The following SMARCC1 variants were observed in gnomAD, a reference collection of about 807,000 sequenced individuals.
The protein encoded by SMARCC1 is SWI/SNF complex subunit SMARCC1.
A neutral mutation model predicts 147.4 loss-of-function variants in SMARCC1; 43 were observed. The observed-to-expected ratio is 0.29, with a 90% CI of 0.23 to 0.38. The LOEUF is 0.38. SMARCC1 is among the 10% of genes least tolerant of loss of function. SMARCC1 has a pLI of 1.00. For synonymous variants in SMARCC1, 495 were observed against 484.4 expected (o/e 1.02, Z -0.29); for missense variants, 1,119 against 1,381.1 (o/e 0.81, Z 3.01).
In SMARCC1 at chr3:47,636,004, G is replaced by A; in HGVS notation, c.2491+18C>T. ...TACAGTTTTACATAATAATATCTAA[G>A]GAGTTTCCTCAAATTACCTGATTTG... On this transcript the variant is annotated intron_variant, in intron 23 of 27. Transcript: ENST00000254480. 8.6e-7 allele frequency: 1 copy of A among 1,157,306 alleles called. No individual in the cohort carries two copies. Among genetic ancestry groups the A allele is most frequent in the Non-Finnish European group, 1.3e-6 (1 of 776,666 alleles). 71.7% of individuals were successfully genotyped at this position (1,157,306 alleles called of 1,614,324 possible). A position where few individuals can be genotyped will look rare whatever the true frequency, so the allele number is the denominator to read the frequency against.
intron 19 of SMARCC1, 76 bp from the exon 20 acceptor site, chr3:47,662,668 GCTT>G (rs2033363073): frequency 1.6e-6 from 2 of 1,235,096 alleles, no homozygotes; most frequent in South Asian, 1.4e-5. Flanking sequence ...TCTTTAGATA[GCTT>G]TTTTAAAAAA....
chr3:47,632,967 T>TAA (rs35876011), intron 24 of SMARCC1, among the ~76,000 whole-genome samples: 3 of 146,186 alleles, frequency 2.1e-5, no homozygotes, highest in Admixed American at 6.8e-5. Flanking sequence ...TATATGAAGT[T>TAA]AAAAAAAAAA....
In SMARCC1 at chr3:47,601,438, G is replaced by C. The variant is rs369347631; in HGVS notation, c.3043+8628C>G. On this transcript the variant is annotated intron_variant, in intron 26 of 27. Coordinates refer to ENST00000254480, the MANE Select transcript of SMARCC1 (RefSeq NM_003074.4). The stretch of plus-strand genomic sequence containing the variant: ...ACATCCTCTGGCTGAGTCTCCTGGA[G>C]AATGGAAATAACAAAATCAGGGCCA... Among the ~76,000 whole-genome samples the C allele has an allele frequency of 1.7e-4, 26 of 152,216 alleles. No homozygotes were observed. The East Asian group carries it at 3.5e-3, about 20-fold the overall frequency.
intron 26 of SMARCC1, among the ~76,000 whole-genome samples, chr3:47,606,305 G>A (rs772349533): frequency 2.6e-5 from 4 of 152,158 alleles, no homozygotes; most frequent in Non-Finnish European, 5.9e-5. Context: ...TTAGTCTTCC[G>A]TCACGGGAGG....
At chr3:47,662,615 T>C in intron 19 of SMARCC1, 23 bp from the exon 20 acceptor site, 1 of 1,604,870 alleles carries the variant, frequency 6.2e-7, no homozygotes. Flanking sequence ...AAACAGATGC[T>C]TTCATGTCAG....
intron 6 of SMARCC1, among the ~76,000 whole-genome samples, chr3:47,721,100 T>A (rs2034227940): frequency 6.6e-6 from 1 of 152,170 alleles, no homozygotes; most frequent in Non-Finnish European, 1.5e-5. Flanking sequence ...GAACCTCTCA[T>A]CCCTCTTTCT....
intron 6 of SMARCC1, among the ~76,000 whole-genome samples, chr3:47,728,485 G>A (rs746633403): frequency 7.2e-5 from 11 of 151,880 alleles, no homozygotes; most frequent in Non-Finnish European, 1.5e-5. Context: ...TTTTTCGTTA[G>A]GTTTAATTTG....
At chr3:47,729,425 C>T (rs1056886278) in intron 5 of SMARCC1, among the ~76,000 whole-genome samples, 7 of 152,148 alleles carry the variant, frequency 4.6e-5, no homozygotes, top group Admixed American at 3.9e-4. Context: ...CTCTGTCACC[C>T]AGGCTATAGT....
chr3:47,589,720 T>G (rs1158413977), intron 27 of SMARCC1, among the ~76,000 whole-genome samples: 3 of 152,128 alleles, frequency 2.0e-5, no homozygotes, highest in Non-Finnish European at 1.5e-5. Context: ...AGTATTAGAG[T>G]GTACTTAAGG....
At position 47,635,242 on chromosome 3, in the gene SMARCC1, T is replaced by C. The variant is rs1324501004; in HGVS notation, c.2594A>G (p.Asn865Ser). 1 of 1,613,732 alleles carries C rather than the reference T, an allele frequency of 6.2e-7. No individual in the cohort carries two copies. The highest frequency in any genetic ancestry group is 8.5e-7 in the Non-Finnish European group (1 of 1,179,956). Residue 865 changes from asparagine (N) to serine (S), a missense_variant, in exon 24 of 28, where the codon AAT becomes AGT. Asn to Ser is a conservative substitution (Grantham distance 46). Transcript: ENST00000254480. Reference sequence around the variant, plus strand: ...AGCAGCTGCTGCGGCTGTGGCAACATTTCCTTCGGAAATTTCATGTTCTAC... The same window carrying C: ...AGCAGCTGCTGCGGCTGTGGCAACACTTCCTTCGGAAATTTCATGTTCTAC... ...KKVEHEISEGNVATAAAAALA... is the reference protein window; with the variant it reads ...KKVEHEISEGSVATAAAAALA...
intron 11 of SMARCC1, among the ~76,000 whole-genome samples, chr3:47,696,726 T>C (rs2033857011): frequency 6.6e-6 from 1 of 152,098 alleles, no homozygotes; most frequent in Non-Finnish European, 1.5e-5. Context: ...TTTCTCCATG[T>C]TGTCCAGGCT....
At chr3:47,764,332 A>G (rs1176950261) in intron 2 of SMARCC1, among the ~76,000 whole-genome samples, 1 of 152,212 alleles carries the variant, frequency 6.6e-6, no homozygotes, top group Non-Finnish European at 1.5e-5. Flanking sequence ...CAGTGTGCCC[A>G]GCTAAATATG....
Position 47,636,100 on chromosome 3 carries a change from C to T in SMARCC1, c.2413G>A (p.Asp805Asn). The T allele has an allele frequency of 1.2e-6, 2 of 1,608,458 alleles. No individual in the cohort carries two copies. Among genetic ancestry groups the T allele is most frequent in the Non-Finnish European group, 1.7e-6 (2 of 1,175,816 alleles). The stretch of plus-strand genomic sequence containing the variant: ...TCATTTTCTCCATCTTGTGCTTTAT[C>T]ACCTTCATCCGTTTCATTTTCCACT... ...NKVENETDEG[D>N]KAQDGENEKN... is the part of the protein sequence containing the mutation. Residue 805 changes from aspartate to asparagine, a missense_variant, in exon 23 of 28, where the codon GAT (aspartate) becomes AAT (asparagine). Around this residue, in one of 6 missense-constraint regions of SMARCC1, gnomAD observed 157 missense variants for 158.6 expected, o/e 0.99. Transcript: ENST00000254480.
intron 12 of SMARCC1, among the ~76,000 whole-genome samples, chr3:47,691,623 A>C (rs528818514): frequency 2.7e-4 from 41 of 152,212 alleles, no homozygotes; most frequent in Admixed American, 1.2e-3. Context: ...TCAAAACAAA[A>C]AACAAAATAC....
intron 7 of SMARCC1, among the ~76,000 whole-genome samples, 186 bp from the exon 8 acceptor site, chr3:47,714,676 C>A (rs926325553): frequency 1.3e-5 from 2 of 152,062 alleles, no homozygotes; most frequent in African/African-American, 4.8e-5. Flanking sequence ...TGATTGTAGT[C>A]CCCACTACCC....
At chr3:47,619,576 G>C (rs1485474248) in intron 25 of SMARCC1, among the ~76,000 whole-genome samples, 1 of 152,230 alleles carries the variant, frequency 6.6e-6, no homozygotes, top group Non-Finnish European at 1.5e-5. Flanking sequence ...GTGGCAAAGA[G>C]AGTAAGGCTG....
At position 47,675,567 on chromosome 3, in the gene SMARCC1, G is replaced by C; in HGVS notation, c.1747C>G (p.Leu583Val). Residue 583 changes from leucine (L) to valine (V), a missense_variant, in exon 18 of 28, where the codon CTA becomes GTA. By Grantham distance (32) the Leu-to-Val change is conservative. Coordinates refer to ENST00000254480, the MANE Select transcript of SMARCC1 (RefSeq NM_003074.4). ...SPQVPAAQQMLNFPEKNKEKP... is the reference protein window; with the variant it reads ...SPQVPAAQQMVNFPEKNKEKP... The stretch of plus-strand genomic sequence containing the variant: ...TCCTTGTTTTTCTCAGGAAAATTTA[G>C]CATCTGTTGAGCAGCAGGAACCTGA... 7 of 1,607,514 alleles carry C rather than the reference G, an allele frequency of 4.4e-6. No homozygotes were observed. The highest frequency in any genetic ancestry group is 6.0e-6 in the Non-Finnish European group (7 of 1,174,030).
intron 21 of SMARCC1, among the ~76,000 whole-genome samples, chr3:47,654,805 G>A (rs1234397979): frequency 6.6e-6 from 1 of 152,190 alleles, no homozygotes; most frequent in Admixed American, 6.5e-5. Flanking sequence ...CCCCAAGAGT[G>A]AGAGTGGAAA....
rs1385639293 is a variant in SMARCC1, at chr3:47,781,883, T to C, written c.-86A>G. The C allele has an allele frequency of 1.8e-5, 16 of 906,220 alleles. No homozygotes were observed. The highest frequency in any genetic ancestry group is 7.0e-5 in the African/African-American group (4 of 56,786). 56.1% of individuals were successfully genotyped at this position (906,220 alleles called of 1,614,324 possible). ...GTTCCCGCGCGCACCCCCGCGCGCGTAGCCGCCACTGCCGCTTCCCGGCCC... is the reference window on the plus strand; with the variant it reads ...GTTCCCGCGCGCACCCCCGCGCGCGCAGCCGCCACTGCCGCTTCCCGGCCC... On this transcript the variant is annotated 5_prime_UTR_variant, in exon 1 of 28. Transcript: ENST00000254480.
Sources: allele counts gnomAD v4.1 joint callset (sites outside exome capture counted in the v4.1 genomes callset), GRCh38; gene constraint gnomAD v4.1.1; regional missense constraint gnomAD v4.1.1; transcripts MANE v1.5; gene names NCBI Gene and HGNC (gene_info 2026-07-23, HGNC 2026-07-21).